The following RGS11 variants were observed in gnomAD, a reference collection of about 807,000 sequenced individuals.
RGS11 encodes regulator of G-protein signaling 11.
In RGS11, 86 loss-of-function variants were observed where a neutral mutation model predicts 71.1. The ratio of observed to expected loss-of-function variants is 1.21; its 90% CI spans 1.02 to 1.45. RGS11 has a LOEUF of 1.45. Ranked by LOEUF, RGS11 falls within the 40% of genes most tolerant of loss-of-function variation. The pLI is 0.00. For synonymous variants in RGS11, 298 were observed against 254.2 expected (o/e 1.17, Z -1.64); for missense variants, 734 against 635.1 (o/e 1.16, Z -1.67).
At position 271,755 on chromosome 16, in the gene RGS11, T is replaced by G. The variant is rs183388202; in HGVS notation, c.658-186A>C. 3.0e-3 allele frequency: 1,844 copies of G among 620,848 alleles called. 20 individuals carry two copies. The African/African-American group carries it at 0.031, about 10-fold the overall frequency. 38.5% of individuals were successfully genotyped at this position (620,848 alleles called of 1,614,324 possible). On this transcript the variant is annotated intron_variant, in intron 9 of 16. Coordinates refer to ENST00000397770, the MANE Select transcript of RGS11 (RefSeq NM_183337.3). Reference sequence around the variant, plus strand: ...ATCAGGGATCTTTCGAGGAGACCTCTGGGGGCCTAAGGTCTGGCGATCTGT... The same window carrying G: ...ATCAGGGATCTTTCGAGGAGACCTCGGGGGGCCTAAGGTCTGGCGATCTGT...
At chr16:272,516 T>A (rs2051984699) in intron 9 of RGS11, 1 of 1,378,070 alleles carries the variant, frequency 7.3e-7, no homozygotes, top group African/African-American at 1.4e-5. Context: ...TTGCTGGATC[T>A]GCTGAGGTCT....
At chr16:269,714 GA>G (rs2141399769) in intron 15 of RGS11, 129 bp from the exon 16 acceptor site, 2 of 738,698 alleles carry the variant, frequency 2.7e-6, no homozygotes, top group East Asian at 5.4e-5. Flanking sequence ...CAGGGTGCTG[GA>G]GGCAGCCGCC....
At chr16:273,379 C>G in intron 8 of RGS11, 96 bp downstream of exon 8, 2 of 967,092 alleles carry the variant, frequency 2.1e-6, no homozygotes, top group Non-Finnish European at 3.0e-6. Context: ...GGTCCTTCCA[C>G]AGGCTCAAAA....
At chr16:272,256 G>T in intron 9 of RGS11, 7 of 1,212,176 alleles carry the variant, frequency 5.8e-6, no homozygotes, top group Non-Finnish European at 7.4e-6. Flanking sequence ...GCACCTCGCT[G>T]GGGCCAGAGC....
At chr16:275,651 CCGGGG>C in intron 1 of RGS11, 153 bp from the exon 2 acceptor site, 1 of 128,706 alleles carries the variant, frequency 7.8e-6, no homozygotes, top group Non-Finnish European at 1.4e-5. Flanking sequence ...GCGGGGCGGG[CCGGGG>C]AGGGCCGGGG....
Position 275,006 on chromosome 16 carries a change from G to A in RGS11, c.288C>T (p.Leu96=). ...ACCTGTAGGGCGTCTCGTCTGGCCG[G>A]AGCATGAGGCTACGGGGGTCGCGCA... ...YPLRDPRSLM[L]RPDETPYRFQ... Residue 96 remains leucine (L), a synonymous_variant, in exon 4 of 17, where the codon CTC becomes CTT. Coordinates refer to ENST00000397770, the MANE Select transcript of RGS11 (RefSeq NM_183337.3). 6.5e-7 allele frequency: 1 copy of A among 1,534,732 alleles called. No homozygotes were observed. Among genetic ancestry groups the A allele is most frequent in the South Asian group, 1.2e-5 (1 of 80,462 alleles).
chr16:275,076 A>C lies in RGS11; in HGVS notation c.218T>G (p.Leu73Arg), dbSNP rs763101621. ...QKFCVSEEEA[L>R]HLGAVLVQHG... ...CTGCACCAGGACGGCGCCCAGGTGC[A>C]GGGCCTCTGGGGAGGGGTGGGACGG... The change falls in exon 4 of 17, where the codon CTG (leucine) becomes CGG (arginine). Residue 73 changes from leucine (L) to arginine (R), a missense_variant. Physicochemically the swap from Leu to Arg is moderately radical, Grantham distance 102 (BLOSUM62 -2). Coordinates refer to ENST00000397770, the MANE Select transcript of RGS11 (RefSeq NM_183337.3). 6.8e-7 allele frequency: 1 copy of C among 1,479,280 alleles called. No individual in the cohort carries two copies. Among genetic ancestry groups the C allele is most frequent in the East Asian group, 2.5e-5 (1 of 40,728 alleles). The allele number at this position is 1,479,280 out of a possible 1,614,324, so 91.6% of individuals were successfully genotyped here. A position where few individuals can be genotyped will look rare whatever the true frequency, so the allele number is the denominator to read the frequency against.
chr16:274,745 G>GT, intron 4 of RGS11: 2 of 710,638 alleles, frequency 2.8e-6, no homozygotes, highest in East Asian at 5.4e-5. Flanking sequence ...CCCTGCTGTG[G>GT]TCCCCAGGAA....
chr16:274,083 T>A lies in RGS11; in HGVS notation c.389A>T (p.Lys130Met). Reference protein sequence around the residue: ...ELDYAIYLAKKNIRKRGTLVD... With the variant: ...ELDYAIYLAKMNIRKRGTLVD... ...CAGGGTCCCCCGTTTTCGGATGTTC[T>A]TCTTGGCCAGGTAGATGGCTGGAAG... The change falls in exon 6 of 17, where the codon AAG becomes ATG. Residue 130 changes from lysine to methionine, a missense_variant. Lys to Met is a moderately conservative substitution (Grantham distance 95). Coordinates refer to ENST00000397770, the MANE Select transcript of RGS11 (RefSeq NM_183337.3). 2 of 1,551,848 alleles carry A rather than the reference T, an allele frequency of 1.3e-6. No individual in the cohort carries two copies. The highest frequency in any genetic ancestry group is 1.7e-6 in the Non-Finnish European group (2 of 1,147,470).
At position 269,084 on chromosome 16, in the gene RGS11, G is replaced by T; in HGVS notation, c.*185C>A. ...TCCACACCTGGACCCATTCCTTCTG[G>T]GCAGGGAGGGCTTGCTGGAGGGAGG... On this transcript the variant is annotated 3_prime_UTR_variant, in exon 17 of 17. Coordinates refer to ENST00000397770, the MANE Select transcript of RGS11 (RefSeq NM_183337.3). The T allele has an allele frequency of 1.0e-6, 1 of 953,234 alleles. No homozygotes were observed. Among genetic ancestry groups the T allele is most frequent in the Non-Finnish European group, 1.7e-6 (1 of 604,532 alleles). 59.0% of individuals were successfully genotyped at this position (953,234 alleles called of 1,614,324 possible).
At chr16:275,156 CCTATGTGCT>C (rs1309966445) in intron 3 of RGS11, 74 bp from the exon 4 acceptor site, 19 of 1,555,008 alleles carry the variant, frequency 1.2e-5, no homozygotes, top group Non-Finnish European at 1.6e-5. Context: ...CCTCCTCTCC[CCTATGTGCT>C]CCCCACCCTT....
rs1043625888 is a variant in RGS11, at chr16:269,577, G to A, written c.1215C>T (p.Tyr405=). The change falls in exon 16 of 17, where the codon TAC becomes TAT. Residue 405 remains tyrosine (Y), a synonymous_variant. Transcript: ENST00000397770. ...ACATGTCAGACTTCAGGAACCTTGG[G>A]TAGGAGTCCTACAAGAGACAGCGTC... The part of the protein sequence containing the change: ...HIYMLMKKDS[Y]PRFLKSDMYK... 1.2e-6 allele frequency: 2 copies of A among 1,612,972 alleles called. No individual in the cohort carries two copies. Among genetic ancestry groups the A allele is most frequent in the East Asian group, 4.5e-5 (2 of 44,870 alleles).
In RGS11 at chr16:274,966, C is replaced by G. The variant is rs1292056980; in HGVS notation, c.318+10G>C. The stretch of plus-strand genomic sequence containing the variant: ...TCCCACCGGCTCCCACCTGCACCCC[C>G]GAGCCTGACCTGGAACCTGTAGGGC... On this transcript the variant is annotated intron_variant, in intron 4 of 16. Transcript: ENST00000397770. 5 of 1,541,514 alleles carry G rather than the reference C, an allele frequency of 3.2e-6. No homozygotes were observed. The highest frequency in any genetic ancestry group is 2.4e-5 in the East Asian group (1 of 40,958).
chr16:274,836 G>T (rs2052093576), intron 4 of RGS11, 140 bp downstream of exon 4: 1 of 1,199,090 alleles, frequency 8.3e-7, no homozygotes, highest in Non-Finnish European at 1.2e-6. Flanking sequence ...GGGGGCGATG[G>T]ACCACCAGCC....
intron 1 of RGS11, 79 bp downstream of exon 1, chr16:275,769 GT>G (rs2052153931): frequency 3.4e-5 from 9 of 266,974 alleles, no homozygotes; most frequent in Non-Finnish European, 4.4e-5. Flanking sequence ...GCGCGCCCCC[GT>G]GTCCCCATGC....
intron 13 of RGS11, 51 bp from the exon 14 acceptor site, chr16:270,882 G>A: frequency 6.3e-7 from 1 of 1,589,922 alleles, no homozygotes; most frequent in African/African-American, 1.3e-5. Flanking sequence ...GGCAGCCAGG[G>A]CCGGTGGGGG....
In RGS11 at chr16:271,202, G is replaced by T; in HGVS notation, c.863C>A (p.Thr288Lys). 6.2e-7 allele frequency: 1 copy of T among 1,612,398 alleles called. No homozygotes were observed. The highest frequency in any genetic ancestry group is 8.5e-7 in the Non-Finnish European group (1 of 1,179,626). ...GTCCCGCTGCCCCGCCTGGGCTCACGTGGGGGCATTCATGACCCAGTAGGC... is the reference window on the plus strand; with the variant it reads ...GTCCCGCTGCCCCGCCTGGGCTCACTTGGGGGCATTCATGACCCAGTAGGC... ...NDAYWVMNAP[T>K]VAAPTKLRVE... Residue 288 changes from threonine (T) to lysine (K), a missense_variant and splice_region_variant, in exon 12 of 17, where the codon ACG becomes AAG. Physicochemically the swap from Thr to Lys is moderately conservative, Grantham distance 78. Transcript: ENST00000397770.
At chr16:269,410 A>C in intron 16 of RGS11, 27 bp from the exon 17 acceptor site, 2 of 1,592,228 alleles carry the variant, frequency 1.3e-6, no homozygotes, top group Non-Finnish European at 1.7e-6. Flanking sequence ...GGCTGAGAAC[A>C]GGCTGGCCAG....
At chr16:273,621 A>G (rs2052032857) in intron 7 of RGS11, 65 bp from the exon 8 acceptor site, 1 of 1,505,074 alleles carries the variant, frequency 6.6e-7, no homozygotes, top group Non-Finnish European at 9.0e-7. Flanking sequence ...CCCCACCCTC[A>G]GGCCTGGACC....
Sources: allele counts gnomAD v4.1 joint callset, GRCh38; gene constraint gnomAD v4.1.1; transcripts MANE v1.5; gene names NCBI Gene and HGNC (gene_info 2026-07-23, HGNC 2026-07-21).